The following HSPA4L variants were observed in gnomAD, a reference collection of about 807,000 sequenced individuals.
HSPA4L encodes the protein heat shock protein family A (Hsp70) member 4 like, also known as heat shock 70 kDa protein 4L.
In HSPA4L, 48 loss-of-function variants were observed where a neutral mutation model predicts 100.3. That is an observed-to-expected ratio of 0.48 (90% confidence interval 0.38 to 0.61). The LOEUF (loss-of-function observed/expected upper bound fraction) is 0.61. Among genes scored for constraint, HSPA4L ranks in the 20% least tolerant of loss-of-function variants. The pLI is 0.00. For missense variants in HSPA4L, 886 were observed against 988.6 expected, an observed-to-expected ratio of 0.90 and a Z score of 1.39; for synonymous variants, 319 against 328.2, an observed-to-expected ratio of 0.97 and a Z score of 0.30.
rs201242875 is a variant in HSPA4L at position 127,830,817 on chromosome 4, T to C, written c.2328+18T>C. 2 of 1,512,336 alleles carry C rather than the reference T, an allele frequency of 1.3e-6. No homozygotes were observed. The highest frequency in any genetic ancestry group is 2.9e-5 in the African/African-American group (2 of 70,004). 93.7% of individuals were successfully genotyped at this position (1,512,336 alleles called of 1,614,324 possible). A position where few individuals can be genotyped will look rare whatever the true frequency, so the allele number is the denominator to read the frequency against. On this transcript the variant is annotated intron_variant, in intron 18 of 18. Transcript: ENST00000296464. ...AGTCAAAGGTAAGAAGTTTATGAAATTGCCTTTTTAATGGTTTCAAGTATT... is the reference window on the plus strand; with the variant it reads ...AGTCAAAGGTAAGAAGTTTATGAAACTGCCTTTTTAATGGTTTCAAGTATT...
rs1028510660 is a variant in HSPA4L at position 127,802,019 on chromosome 4, G to T, written c.663+101G>T. On this transcript the variant is annotated intron_variant, in intron 6 of 18. Transcript: ENST00000296464. ...ATCCTGGCTCTGCCCCTTAAACTAT[G>T]ACCTCAAGCAAGTTACTTAATCTCC... 4 of 847,270 alleles carry T rather than the reference G, an allele frequency of 4.7e-6. No homozygotes were observed. The Admixed American group carries it at 9.3e-5, about 20-fold the overall frequency. The allele number at this position is 847,270 out of a possible 1,614,324, so 52.5% of individuals were successfully genotyped here.
In HSPA4L at chr4:127,823,519, C is replaced by G. The variant is rs1290996774; in HGVS notation, c.1941C>G (p.Asp647Glu). 1 of 1,599,648 alleles carries G rather than the reference C, an allele frequency of 6.3e-7. No individual in the cohort carries two copies. The stretch of plus-strand genomic sequence containing the variant: ...GTGTCTCTCAAATATATTACTAGGA[C>G]TTGAGTAAACTGTCTGCAGTATTGG... Reference protein sequence around the residue: ...TVYEKFITPEDLSKLSAVLED... With the variant: ...TVYEKFITPEELSKLSAVLED... The change falls in exon 16 of 19, where the codon GAC becomes GAG. Residue 647 changes from aspartate to glutamate, a missense_variant and splice_region_variant. By Grantham distance (45) the Asp-to-Glu change is conservative (BLOSUM62 2). Coordinates refer to ENST00000296464, the MANE Select transcript of HSPA4L (RefSeq NM_014278.4).
chr4:127,805,826 G>A, intron 10 of HSPA4L, 33 bp downstream of exon 10: 1 of 1,414,002 alleles, frequency 7.1e-7, no homozygotes, highest in Non-Finnish European at 9.9e-7. Context: ...ATTAGAGCTT[G>A]TCATAAATCT....
At chr4:127,791,448 A>G (rs756971787) in intron 1 of HSPA4L, among the ~76,000 whole-genome samples, 15 of 152,238 alleles carry the variant, frequency 9.9e-5, no homozygotes, top group South Asian at 2.1e-4. Context: ...TTGGACACCC[A>G]TGGTCTAAAG....
At chr4:127,822,090 A>T (rs1733827971) in intron 14 of HSPA4L, among the ~76,000 whole-genome samples, 1 of 152,178 alleles carries the variant, frequency 6.6e-6, no homozygotes. Context: ...GGCTTTAATT[A>T]CATTCACCAT....
chr4:127,812,556 T>C (rs1166024284), intron 12 of HSPA4L, among the ~76,000 whole-genome samples: 1 of 152,216 alleles, frequency 6.6e-6, no homozygotes, highest in Non-Finnish European at 1.5e-5. Context: ...TTTTTATGTG[T>C]GCTCCTCATG....
chr4:127,832,719 C>T lies in HSPA4L; in HGVS notation c.2365C>T (p.Pro789Ser). Residue 789 changes from proline to serine, a missense_variant, in exon 19 of 19, where the codon CCC becomes TCC. Physicochemically the swap from Pro to Ser is moderately conservative, Grantham distance 74. Transcript: ENST00000296464. ...DNFCNPIIYK[P>S]KPKAEVPEDK... is the part of the protein sequence containing the mutation. Reference sequence around the variant, plus strand: ...TTTCTGTAACCCCATCATTTACAAGCCCAAACCAAAAGCAGAAGTTCCTGA... The same window carrying T: ...TTTCTGTAACCCCATCATTTACAAGTCCAAACCAAAAGCAGAAGTTCCTGA... 6.2e-7 allele frequency: 1 copy of T among 1,612,034 alleles called. No individual in the cohort carries two copies. Among genetic ancestry groups the T allele is most frequent in the Non-Finnish European group, 8.5e-7 (1 of 1,179,014 alleles).
intron 11 of HSPA4L, among the ~76,000 whole-genome samples, chr4:127,808,482 C>T (rs1201523962): frequency 6.6e-6 from 1 of 151,858 alleles, no homozygotes; most frequent in Non-Finnish European, 1.5e-5. Flanking sequence ...TCATAATTAA[C>T]CTAGAGATGA....
intron 11 of HSPA4L, among the ~76,000 whole-genome samples, chr4:127,810,629 T>C (rs1733499051): frequency 1.3e-5 from 2 of 152,020 alleles, no homozygotes; most frequent in Admixed American, 1.3e-4. Flanking sequence ...CATGGTACCA[T>C]GCACCTGTAG....
rs988356129 is a variant in HSPA4L at position 127,833,555 on chromosome 4, T to C, written c.*681T>C. On this transcript the variant is annotated 3_prime_UTR_variant, in exon 19 of 19. Coordinates refer to ENST00000296464, the MANE Select transcript of HSPA4L (RefSeq NM_014278.4). ...TCAGAGTAACTCGTTGTCTTTTCGC[T>C]TGAAATTTTTGATCTTGTCCTGAAG... The C allele has an allele frequency of 1.3e-5, 2 of 152,180 alleles. No individual in the cohort carries two copies. Among genetic ancestry groups the C allele is most frequent in the Non-Finnish European group, 2.9e-5 (2 of 68,004 alleles). 9.4% of individuals were successfully genotyped at this position (152,180 alleles called of 1,614,324 possible). A position where few individuals can be genotyped will look rare whatever the true frequency, so the allele number is the denominator to read the frequency against.
chr4:127,799,292 T>C (rs1733108672), intron 4 of HSPA4L, among the ~76,000 whole-genome samples: 1 of 152,150 alleles, frequency 6.6e-6, no homozygotes, highest in Non-Finnish European at 1.5e-5. Flanking sequence ...CAATTTTTTT[T>C]CATAGGCATT....
chr4:127,832,343 T>A (rs1734103977), intron 18 of HSPA4L, among the ~76,000 whole-genome samples: 1 of 152,216 alleles, frequency 6.6e-6, no homozygotes, highest in Non-Finnish European at 1.5e-5. Context: ...TTATTTGATG[T>A]AATTCTCATA....
chr4:127,811,221 A>G (rs1307988914), intron 11 of HSPA4L, among the ~76,000 whole-genome samples: 1 of 147,360 alleles, frequency 6.8e-6, no homozygotes, highest in Non-Finnish European at 1.5e-5. Flanking sequence ...TGAGCAGGTT[A>G]CTTAAGCTTC....
chr4:127,811,552 T>C lies in HSPA4L; in HGVS notation c.1494T>C (p.Ile498=). 3 of 1,614,008 alleles carry C rather than the reference T, an allele frequency of 1.9e-6. No homozygotes were observed. The highest frequency in any genetic ancestry group is 2.5e-6 in the Non-Finnish European group (3 of 1,179,966). Residue 498 remains isoleucine, a synonymous_variant, in exon 12 of 19, where the codon ATT becomes ATC. Transcript: ENST00000296464. ...TCAGTGTGGCTAGCGCATCAGTAAT[T>C]GAGAAGCAAAATTTGGAAGGCGATC... ...GIFSVASASV[I]EKQNLEGDHS...
chr4:127,814,929 A>G (rs1284946666), intron 12 of HSPA4L, among the ~76,000 whole-genome samples: 1 of 152,196 alleles, frequency 6.6e-6, no homozygotes, highest in Non-Finnish European at 1.5e-5. Context: ...AAGTTTAAAG[A>G]CTTAAATACC....
chr4:127,784,167 G>C (rs1019739388), intron 1 of HSPA4L, among the ~76,000 whole-genome samples: 1 of 152,254 alleles, frequency 6.6e-6, no homozygotes, highest in Non-Finnish European at 1.5e-5. Flanking sequence ...CTTCAGCAGA[G>C]TAGGGGTTAA....
At chr4:127,796,290 T>C (rs1187980249) in intron 3 of HSPA4L, among the ~76,000 whole-genome samples, 2 of 152,164 alleles carry the variant, frequency 1.3e-5, no homozygotes, top group African/African-American at 2.4e-5. Context: ...TCTTATACTA[T>C]AAATGTTAAA....
At position 127,795,920 on chromosome 4, in the gene HSPA4L, A is replaced by G. The variant is rs1184035939; in HGVS notation, c.306+12A>G. ...GTGCAGGAGTTAAGGTAAGCTTTAT[A>G]TTCCCAGGGTTACAAACATATCTTC... On this transcript the variant is annotated intron_variant, in intron 3 of 18. Coordinates refer to ENST00000296464, the MANE Select transcript of HSPA4L (RefSeq NM_014278.4). The G allele has an allele frequency of 6.2e-7, 1 of 1,611,834 alleles. No homozygotes were observed. Among genetic ancestry groups the G allele is most frequent in the African/African-American group, 1.3e-5 (1 of 74,954 alleles).
rs1429759366 is a variant in HSPA4L, at chr4:127,835,260, T to TAATA, written c.*2387_*2390dup. On this transcript the variant is annotated 3_prime_UTR_variant, in exon 19 of 19. Coordinates refer to ENST00000296464, the MANE Select transcript of HSPA4L (RefSeq NM_014278.4). Reference sequence around the variant, plus strand: ...GTTTGTAGGGAATATTTGGAATGATTAATATAAATTAGTATACTTTGGCTC... The same window carrying TAATA: ...GTTTGTAGGGAATATTTGGAATGATTAATAAATATAAATTAGTATACTTTGGCTC... 7 of 152,222 alleles carry TAATA rather than the reference T, an allele frequency of 4.6e-5. No individual in the cohort carries two copies. Among genetic ancestry groups the TAATA allele is most frequent in the African/African-American group, 1.7e-4 (7 of 41,466 alleles). The allele number at this position is 152,222 out of a possible 1,614,324, so 9.4% of individuals were successfully genotyped here.
Sources: allele counts gnomAD v4.1 joint callset (sites outside exome capture counted in the v4.1 genomes callset), GRCh38; gene constraint gnomAD v4.1.1; transcripts MANE v1.5; gene names NCBI Gene and HGNC (gene_info 2026-07-23, HGNC 2026-07-21).